The following PXDNL variants were observed in gnomAD, a reference collection of about 807,000 sequenced individuals.
The protein encoded by PXDNL is peroxidasin like.
PXDNL carries 145 observed loss-of-function variants against 150.8 expected under a neutral mutation model. That is an observed-to-expected ratio of 0.96 (90% confidence interval 0.84 to 1.10). The LOEUF (loss-of-function observed/expected upper bound fraction) is 1.10, where lower values mean the gene tolerates loss of function less well. Among genes scored for constraint, PXDNL ranks in the 50% least tolerant of loss-of-function variants. The pLI is 0.00. For missense variants in PXDNL, 2,087 were observed against 1,873.9 expected (o/e 1.11, Z -2.10); for synonymous variants, 757 against 725.7 (o/e 1.04, Z -0.69).
chr8:51,504,519 C>G (rs534095196), intron 4 of PXDNL, among the ~76,000 whole-genome samples: 50 of 152,332 alleles, frequency 3.3e-4, no homozygotes, highest in African/African-American at 1.1e-3. Flanking sequence ...TCAGATCTTA[C>G]TGTGCTCTTT....
Position 51,728,489 on chromosome 8 carries a change from C to T in PXDNL, c.165-73729G>A, listed in dbSNP as rs377518922. ...AAAGATGTTCTACTGGGACAAGATA[C>T]GGAGGTGGAAGATGGTAATATTGAT... is the stretch of plus-strand genomic sequence containing the variant. On this transcript the variant is annotated intron_variant, in intron 1 of 22. Transcript: ENST00000356297. Among the ~76,000 whole-genome samples the T allele has an allele frequency of 3.4e-4, 52 of 151,768 alleles. No homozygotes were observed. The East Asian group carries it at 8.9e-3, about 26-fold the overall frequency.
chr8:51,666,405 T>C (rs1815386351), intron 1 of PXDNL, among the ~76,000 whole-genome samples: 1 of 152,158 alleles, frequency 6.6e-6, no homozygotes, highest in Non-Finnish European at 1.5e-5. Flanking sequence ...GCAGAAAGTA[T>C]ATGCATGAGG....
chr8:51,577,320 G>T (rs1813077043), intron 3 of PXDNL, among the ~76,000 whole-genome samples: 1 of 151,432 alleles, frequency 6.6e-6, no homozygotes, highest in East Asian at 1.9e-4. Context: ...TGTATTTCAG[G>T]AATACAAAAG....
intron 2 of PXDNL, among the ~76,000 whole-genome samples, chr8:51,607,948 GAAGA>G (rs1813878253): frequency 7.2e-6 from 1 of 138,356 alleles, no homozygotes; most frequent in Admixed American, 7.3e-5. Flanking sequence ...GAGAGAGAAA[GAAGA>G]AAGAAATAAA....
intron 1 of PXDNL, among the ~76,000 whole-genome samples, chr8:51,742,370 G>A (rs2036915901): frequency 6.6e-6 from 1 of 152,112 alleles, no homozygotes; most frequent in Non-Finnish European, 1.5e-5. Context: ...AAACTCCTGT[G>A]GTTGGGGGAG....
intron 19 of PXDNL, among the ~76,000 whole-genome samples, chr8:51,360,042 C>CAA (rs1366137848): frequency 0.042 from 3,610 of 85,530 alleles, 149 homozygotes; most frequent in African/African-American, 0.12. Flanking sequence ...AAGAGAAAAG[C>CAA]AAAAAAAAAA....
chr8:51,346,579 T>G (rs1015040256), intron 19 of PXDNL, among the ~76,000 whole-genome samples: 2 of 152,206 alleles, frequency 1.3e-5, no homozygotes, highest in Non-Finnish European at 2.9e-5. Flanking sequence ...TGTTGAGATG[T>G]AATTCCCAGT....
intron 4 of PXDNL, among the ~76,000 whole-genome samples, chr8:51,552,771 C>T (rs1812520779): frequency 6.6e-6 from 1 of 152,138 alleles, no homozygotes; most frequent in Non-Finnish European, 1.5e-5. Flanking sequence ...CAAAAATTAC[C>T]ACTAAAGAAT....
intron 1 of PXDNL, among the ~76,000 whole-genome samples, chr8:51,743,325 C>A (rs2036927564): frequency 6.6e-6 from 1 of 152,008 alleles, no homozygotes; most frequent in South Asian, 2.1e-4. Flanking sequence ...TCAAGCTATT[C>A]TCCTGCCTCA....
chr8:51,615,749 A>C (rs149318800), intron 2 of PXDNL, among the ~76,000 whole-genome samples: 1 of 152,240 alleles, frequency 6.6e-6, no homozygotes, highest in African/African-American at 2.4e-5. Flanking sequence ...GAAATAACAC[A>C]TTTACAATTC....
chr8:51,607,940 G>T (rs1160523289), intron 2 of PXDNL, among the ~76,000 whole-genome samples: 1 of 140,320 alleles, frequency 7.1e-6, no homozygotes, highest in Non-Finnish European at 1.5e-5. Context: ...GAAAGAAAGA[G>T]AGAGAAAGAA....
chr8:51,499,372 C>G (rs1811132759), intron 5 of PXDNL, among the ~76,000 whole-genome samples: 1 of 152,142 alleles, frequency 6.6e-6, no homozygotes, highest in African/African-American at 2.4e-5. Context: ...CTCAGGTGAT[C>G]CGCCCACCTC....
intron 20 of PXDNL, 118 bp from the exon 21 acceptor site, chr8:51,339,871 T>C (rs984502826): frequency 4.2e-6 from 4 of 942,822 alleles, no homozygotes; most frequent in Middle Eastern, 2.3e-4. Context: ...ATTGGTGTTC[T>C]TTGTGATCTT....
chr8:51,735,415 G>A (rs1817011215), intron 1 of PXDNL, among the ~76,000 whole-genome samples: 1 of 151,882 alleles, frequency 6.6e-6, no homozygotes, highest in Non-Finnish European at 1.5e-5. Flanking sequence ...AACCCTGAAG[G>A]CAGAGGTTGC....
intron 1 of PXDNL, among the ~76,000 whole-genome samples, chr8:51,696,923 G>A (rs935221554): frequency 2.8e-5 from 1 of 35,258 alleles, no homozygotes; most frequent in African/African-American, 8.0e-5. Flanking sequence ...TATTGTTGCT[G>A]TTTCAAAGCA....
chr8:51,483,527 T>C, intron 6 of PXDNL, 116 bp downstream of exon 6: 1 of 705,574 alleles, frequency 1.4e-6, no homozygotes. Flanking sequence ...CCTAACATGC[T>C]AGAATTGCAA....
intron 21 of PXDNL, among the ~76,000 whole-genome samples, chr8:51,325,756 G>C (rs1181721986): frequency 6.6e-6 from 1 of 152,168 alleles, no homozygotes; most frequent in Non-Finnish European, 1.5e-5. Flanking sequence ...TGACCCCCTA[G>C]TTTCCTACTT....
chr8:51,696,696 C>T (rs1186581767), intron 1 of PXDNL, among the ~76,000 whole-genome samples: 15 of 126,234 alleles, frequency 1.2e-4, no homozygotes, highest in Admixed American at 3.3e-4. Flanking sequence ...CACAGGTCCA[C>T]ACACATCCAC....
intron 1 of PXDNL, among the ~76,000 whole-genome samples, chr8:51,758,961 G>C (rs2037132547): frequency 6.6e-6 from 1 of 152,180 alleles, no homozygotes; most frequent in Non-Finnish European, 1.5e-5. Flanking sequence ...AATCTTGGCA[G>C]ATTTGGAAAC....
Sources: allele counts gnomAD v4.1 joint callset (sites outside exome capture counted in the v4.1 genomes callset), GRCh38; gene constraint gnomAD v4.1.1; transcripts MANE v1.5; gene names NCBI Gene and HGNC (gene_info 2026-07-23, HGNC 2026-07-21).